Variants in TUSC3 observed in about 807,000 individuals in gnomAD.
TUSC3 encodes the protein tumor suppressor candidate 3, also known as dolichyl-diphosphooligosaccharide--protein glycosyltransferase subunit TUSC3.
Under a neutral mutation model 44.8 loss-of-function variants are expected in TUSC3, and 45 were observed. The ratio of observed to expected loss-of-function variants is 1.00; its 90% confidence interval spans 0.79 to 1.29. TUSC3 has a LOEUF of 1.29. Among genes scored for constraint, TUSC3 ranks in the 50% most tolerant of loss-of-function variants. The pLI is 0.00. For missense variants in TUSC3, 519 were observed against 437.9 expected (o/e 1.19, Z -1.65); for synonymous variants, 212 against 152.9 (o/e 1.39, Z -2.85).
intron 1 of TUSC3, among the ~76,000 whole-genome samples, chr8:15,588,018 C>A (rs924832168): frequency 9.9e-5 from 15 of 152,058 alleles, no homozygotes; most frequent in African/African-American, 3.6e-4. Context: ...TTGCAGTAAA[C>A]ATGGGGCTGC....
chr8:15,631,529 G>C (rs1386135515), intron 2 of TUSC3, among the ~76,000 whole-genome samples: 3 of 151,982 alleles, frequency 2.0e-5, no homozygotes. Flanking sequence ...GTAATGTTTT[G>C]CCACTTTGCA....
intron 1 of TUSC3, among the ~76,000 whole-genome samples, chr8:15,616,900 A>G (rs1414637936): frequency 6.6e-6 from 1 of 152,114 alleles, no homozygotes; most frequent in Non-Finnish European, 1.5e-5. Context: ...TGCAGTTGGC[A>G]CAGAATCTGG....
chr8:15,596,421 C>A (rs1172814298), intron 1 of TUSC3, among the ~76,000 whole-genome samples: 1 of 152,104 alleles, frequency 6.6e-6, no homozygotes, highest in Non-Finnish European at 1.5e-5. Context: ...CCCTGTGTTC[C>A]TGGATGCAAA....
At chr8:15,473,238 A>C (rs1800520242) in intron 1 of TUSC3, among the ~76,000 whole-genome samples, 6 of 152,234 alleles carry the variant, frequency 3.9e-5, no homozygotes, top group Admixed American at 3.9e-4. Context: ...CAAGCTTTCT[A>C]GCATAACTGG....
At chr8:15,624,048 C>G (rs577037170) in intron 2 of TUSC3, among the ~76,000 whole-genome samples, 1 of 152,072 alleles carries the variant, frequency 6.6e-6, no homozygotes, top group Non-Finnish European at 1.5e-5. Flanking sequence ...TTTCAAGAAT[C>G]TTAGGTAAAT....
chr8:15,745,441 C>A (rs889178261), intron 8 of TUSC3, among the ~76,000 whole-genome samples: 1 of 152,040 alleles, frequency 6.6e-6, no homozygotes, highest in Non-Finnish European at 1.5e-5. Flanking sequence ...CATAAGCATT[C>A]CCTTTTCCCC....
chr8:15,596,490 G>C (rs1420421939), intron 1 of TUSC3, among the ~76,000 whole-genome samples: 1 of 152,136 alleles, frequency 6.6e-6, no homozygotes, highest in African/African-American at 2.4e-5. Context: ...ACCAACTGCA[G>C]GGCTTGAGTA....
chr8:15,730,802 T>G, intron 7 of TUSC3, 73 bp downstream of exon 7: 1 of 1,439,920 alleles, frequency 6.9e-7, no homozygotes, highest in Non-Finnish European at 9.7e-7. Flanking sequence ...ACATTTTTCC[T>G]GGCAGTAAAT....
At chr8:15,676,551 C>G (rs1201342879) in intron 6 of TUSC3, among the ~76,000 whole-genome samples, 4 of 152,118 alleles carry the variant, frequency 2.6e-5, no homozygotes. Flanking sequence ...TTGCCAAGGC[C>G]AGTGTCCAGA....
chr8:15,708,378 T>C lies in TUSC3; in HGVS notation c.799-22288T>C, dbSNP rs1222827592. ...TAGGCATTTGGGTACCAGAAGCCTG[T>C]AAACCTTTGAGGTGCATGAGCAGAT... On this transcript the variant is annotated intron_variant, in intron 6 of 10. Coordinates refer to ENST00000503731, the MANE Select transcript of TUSC3 (RefSeq NM_006765.4). 2.0e-5 allele frequency among the ~76,000 whole-genome samples: 3 copies of C among 151,954 alleles called. No homozygotes were observed. In the East Asian group the frequency reaches 5.8e-4, roughly 29 times the overall value.
the TUSC3 span, among the ~76,000 whole-genome samples, chr8:15,777,206 A>G: frequency 1.3e-5 from 2 of 152,164 alleles, no homozygotes; most frequent in Admixed American, 1.3e-4. Context: ...CAATCATATC[A>G]AGAATAACAT....
chr8:15,649,002 A>G (rs1806763506), intron 2 of TUSC3, among the ~76,000 whole-genome samples: 1 of 152,060 alleles, frequency 6.6e-6, no homozygotes, highest in Non-Finnish European at 1.5e-5. Context: ...AAACAGTAAC[A>G]GGCTAGGTCG....
chr8:15,630,885 C>T (rs771652829), intron 2 of TUSC3, among the ~76,000 whole-genome samples: 1 of 152,160 alleles, frequency 6.6e-6, no homozygotes, highest in Non-Finnish European at 1.5e-5. Flanking sequence ...TCACACCTCT[C>T]ATGGGTTTAG....
intron 1 of TUSC3, among the ~76,000 whole-genome samples, chr8:15,565,812 G>A (rs923845399): frequency 1.3e-5 from 2 of 152,084 alleles, no homozygotes; most frequent in African/African-American, 2.4e-5. Context: ...GGATGGCAGA[G>A]CAGCCATCAG....
intron 1 of TUSC3, among the ~76,000 whole-genome samples, chr8:15,463,768 G>A (rs895422751): frequency 3.9e-5 from 6 of 152,096 alleles, no homozygotes; most frequent in South Asian, 2.1e-4. Context: ...TCAGTTCGTC[G>A]CTTCTCTACA....
At chr8:15,672,177 A>G (rs996273798) in intron 5 of TUSC3, among the ~76,000 whole-genome samples, 6 of 152,060 alleles carry the variant, frequency 3.9e-5, no homozygotes, top group East Asian at 1.9e-4. Context: ...GCGGTAGGAC[A>G]TGGAGCTATT....
intron 6 of TUSC3, among the ~76,000 whole-genome samples, chr8:15,684,603 G>T (rs532473892): frequency 1.3e-5 from 2 of 152,140 alleles, no homozygotes; most frequent in African/African-American, 2.4e-5. Context: ...GTCAGGCTGC[G>T]TTCCTCCCGG....
At chr8:15,680,585 T>C (rs115902918) in intron 6 of TUSC3, among the ~76,000 whole-genome samples, 1 of 152,250 alleles carries the variant, frequency 6.6e-6, no homozygotes, top group African/African-American at 2.4e-5. Context: ...TCTGTTTCTT[T>C]TTCTTGCCTT....
At chr8:15,733,157 T>C (rs989606763) in intron 7 of TUSC3, among the ~76,000 whole-genome samples, 2 of 152,166 alleles carry the variant, frequency 1.3e-5, no homozygotes, top group African/African-American at 4.8e-5. Context: ...AGGAAGTCTT[T>C]GTGTATATGT....
Sources: allele counts gnomAD v4.1 joint callset (sites outside exome capture counted in the v4.1 genomes callset), GRCh38; gene constraint gnomAD v4.1.1; transcripts MANE v1.5; gene names NCBI Gene and HGNC (gene_info 2026-07-23, HGNC 2026-07-21).